The following DDC variants were observed in gnomAD, a reference collection of about 807,000 sequenced individuals.
DDC encodes the protein aromatic-L-amino-acid decarboxylase.
DDC carries 43 observed loss-of-function variants against 60.0 expected under a neutral mutation model. The observed-to-expected ratio is 0.72, with a 90% confidence interval of 0.56 to 0.92. The LOEUF (loss-of-function observed/expected upper bound fraction) is 0.92, where lower values mean the gene tolerates loss of function less well. Ranked by LOEUF, DDC falls within the 40% of genes least tolerant of loss-of-function variation. DDC has a pLI of 0.00. For missense variants in DDC, 573 were observed against 620.2 expected (o/e 0.92, Z 0.81); for synonymous variants, 232 against 234.6 (o/e 0.99, Z 0.10).
intron 4 of DDC, 131 bp downstream of exon 4, chr7:50,537,729 G>A (rs1199737049): frequency 2.5e-5 from 30 of 1,200,910 alleles, no homozygotes; most frequent in Admixed American, 1.0e-4. Context: ...CCAAGAGCTC[G>A]GTTTTGTTTA....
At chr7:50,475,896 G>C (rs946808584) in intron 11 of DDC, among the ~76,000 whole-genome samples, 7 of 151,986 alleles carry the variant, frequency 4.6e-5, no homozygotes, top group Non-Finnish European at 8.8e-5. Flanking sequence ...CACCATGTTG[G>C]CCAGGCTGGT....
intron 13 of DDC, among the ~76,000 whole-genome samples, chr7:50,464,427 G>A (rs1368438530): frequency 2.0e-5 from 3 of 152,144 alleles, no homozygotes; most frequent in African/African-American, 2.4e-5. Flanking sequence ...TTTGGAAACC[G>A]TGGGTGAACA....
Position 50,539,924 on chromosome 7 carries a change from G to T in DDC, c.306C>A (p.Gly102=), listed in dbSNP as rs1183685593. 6.2e-7 allele frequency: 1 copy of T among 1,613,592 alleles called. No individual in the cohort carries two copies. The highest frequency in any genetic ancestry group is 1.7e-5 in the Admixed American group (1 of 60,018). Residue 102 remains glycine, a synonymous_variant, in exon 3 of 15, where the codon GGC becomes GGA. Transcript: ENST00000444124. ...DMLCGAIGCI[G]FSWAASPACT... ...GCATCCGGACCCTCACCCAGGAGAA[G>T]CCGATGCAGCCAATGGCCCCGCACA...
chr7:50,556,832 G>C (rs1029888360), intron 1 of DDC, among the ~76,000 whole-genome samples: 3 of 152,190 alleles, frequency 2.0e-5, no homozygotes, highest in African/African-American at 7.2e-5. Flanking sequence ...CAATTCCACA[G>C]GACAGTCCTC....
rs1249228250 is a variant in DDC, at chr7:50,458,822, ATC to A, written c.*38_*39del. The A allele has an allele frequency of 6.6e-6, 1 of 152,012 alleles. No individual in the cohort carries two copies. The highest frequency in any genetic ancestry group is 1.5e-5 in the Non-Finnish European group (1 of 68,012). 9.4% of individuals were successfully genotyped at this position (152,012 alleles called of 1,614,324 possible). On this transcript the variant is annotated 3_prime_UTR_variant, in exon 15 of 15. Coordinates refer to ENST00000444124, the MANE Select transcript of DDC (RefSeq NM_001082971.2). ...GCTTCTTATTCCAGTTTTCAGATAT[ATC>A]TCTCTTCAATTTTTGATTCCTACAG... is the stretch of plus-strand genomic sequence containing the variant.
chr7:50,559,163 T>C (rs902802396), intron 1 of DDC, among the ~76,000 whole-genome samples: 1 of 152,166 alleles, frequency 6.6e-6, no homozygotes, highest in South Asian at 2.1e-4. Flanking sequence ...TTTACAGCAA[T>C]GCGAAGAGGC....
chr7:50,549,189 C>T (rs1015062877), intron 1 of DDC, among the ~76,000 whole-genome samples: 2 of 152,200 alleles, frequency 1.3e-5, no homozygotes, highest in African/African-American at 2.4e-5. Context: ...CCTGCTAACT[C>T]GACATCCATT....
intron 6 of DDC, among the ~76,000 whole-genome samples, chr7:50,516,436 G>A (rs867316101): frequency 2.6e-4 from 39 of 152,046 alleles, no homozygotes; most frequent in African/African-American, 9.2e-4. Flanking sequence ...GGGATGCTAA[G>A]AGGAAAATTT....
At chr7:50,504,212 G>A (rs2043333520) in intron 6 of DDC, among the ~76,000 whole-genome samples, 153 bp from the exon 7 acceptor site, 1 of 152,204 alleles carries the variant, frequency 6.6e-6, no homozygotes, top group Non-Finnish European at 1.5e-5. Context: ...GCCCATGGAT[G>A]CACATTGAAT....
At chr7:50,482,465 C>T (rs1228990783) in intron 9 of DDC, among the ~76,000 whole-genome samples, 1 of 152,200 alleles carries the variant, frequency 6.6e-6, no homozygotes, top group African/African-American at 2.4e-5. Context: ...CTGGCTCTCT[C>T]TTCTAATGTG....
chr7:50,525,623 G>C (rs1348750835), intron 6 of DDC, among the ~76,000 whole-genome samples: 2 of 152,044 alleles, frequency 1.3e-5, no homozygotes, highest in Non-Finnish European at 2.9e-5. Flanking sequence ...AATTAGCCAG[G>C]CGTGGTGGTA....
chr7:50,543,778 G>A (rs1043088118), intron 2 of DDC, 107 bp downstream of exon 2: 9 of 1,126,338 alleles, frequency 8.0e-6, no homozygotes, highest in Non-Finnish European at 1.2e-5. Context: ...TCTCCAACCT[G>A]ACTGCCATAG....
Position 50,540,082 on chromosome 7 carries a change from A to G in DDC, c.202-54T>C, listed in dbSNP as rs1057045086. On this transcript the variant is annotated intron_variant, in intron 2 of 14. Transcript: ENST00000444124. ...GGAGTGAGGAAAGCCAGGCCTCAAG[A>G]GAGCGGGGGACCCAGGTACCCCCAT... 3 of 1,422,772 alleles carry G rather than the reference A, an allele frequency of 2.1e-6. No homozygotes were observed. In the South Asian group the frequency reaches 3.6e-5, roughly 17 times the overall value. The allele number at this position is 1,422,772 out of a possible 1,614,324, so 88.1% of individuals were successfully genotyped here. A position where few individuals can be genotyped will look rare whatever the true frequency, so the allele number is the denominator to read the frequency against.
At chr7:50,516,164 C>T (rs2043722986) in intron 6 of DDC, among the ~76,000 whole-genome samples, 1 of 152,102 alleles carries the variant, frequency 6.6e-6, no homozygotes, top group Admixed American at 6.5e-5. Flanking sequence ...CCAAGATAGA[C>T]CATATAATAG....
intron 6 of DDC, among the ~76,000 whole-genome samples, chr7:50,519,095 A>G (rs1275896327): frequency 4.6e-5 from 7 of 151,318 alleles, no homozygotes; most frequent in Non-Finnish European, 8.8e-5. Context: ...TGAATAGACA[A>G]TTCTCAAAAG....
At chr7:50,513,652 A>T (rs1022412001) in intron 6 of DDC, among the ~76,000 whole-genome samples, 1 of 152,050 alleles carries the variant, frequency 6.6e-6, no homozygotes, top group African/African-American at 2.4e-5. Context: ...TGGGAGGGAG[A>T]CAGGCCCTTC....
chr7:50,521,624 A>G (rs886097839), intron 6 of DDC, among the ~76,000 whole-genome samples: 2 of 152,336 alleles, frequency 1.3e-5, no homozygotes, highest in African/African-American at 2.4e-5. Flanking sequence ...ATAAATTAAT[A>G]TAATCTATCA....
At chr7:50,510,720 G>GCCT (rs2043539268) in intron 6 of DDC, among the ~76,000 whole-genome samples, 1 of 149,360 alleles carries the variant, frequency 6.7e-6, no homozygotes, top group Admixed American at 6.7e-5. Flanking sequence ...GGTGGCTCAC[G>GCCT]CCTGTAATCA....
chr7:50,459,369 C>A (rs1316597691), intron 14 of DDC, among the ~76,000 whole-genome samples: 1 of 152,234 alleles, frequency 6.6e-6, no homozygotes, highest in Non-Finnish European at 1.5e-5. Flanking sequence ...AGCCTCTGCC[C>A]GGCCGCCACC....
Sources: allele counts gnomAD v4.1 joint callset (sites outside exome capture counted in the v4.1 genomes callset), GRCh38; gene constraint gnomAD v4.1.1; transcripts MANE v1.5; gene names NCBI Gene and HGNC (gene_info 2026-07-23, HGNC 2026-07-21).